Variants in GOLGB1 observed in about 807,000 individuals in gnomAD.
GOLGB1 encodes golgin B1.
Under a neutral mutation model 336.9 loss-of-function variants are expected in GOLGB1, and 174 were observed. The ratio of observed to expected loss-of-function variants is 0.52; its 90% confidence interval spans 0.46 to 0.59. The LOEUF is 0.59. Ranked by LOEUF, GOLGB1 falls within the 20% of genes least tolerant of loss-of-function variation. GOLGB1 has a pLI of 0.00. For synonymous variants in GOLGB1, 1,208 were observed against 1,289.2 expected, an observed-to-expected ratio of 0.94 and a Z score of 1.35; for missense variants, 3,331 against 3,645.3, an observed-to-expected ratio of 0.91 and a Z score of 2.22.
At chr3:121,683,988 C>T (rs370421272) in intron 14 of GOLGB1, among the ~76,000 whole-genome samples, 4 of 151,466 alleles carry the variant, frequency 2.6e-5, no homozygotes, top group Admixed American at 6.6e-5. Flanking sequence ...ATTAGCTGGG[C>T]GTGGTGGCGG....
At chr3:121,676,851 G>C in intron 17 of GOLGB1, 42 bp downstream of exon 17, 2 of 1,586,212 alleles carry the variant, frequency 1.3e-6, no homozygotes, top group Non-Finnish European at 1.7e-6. Flanking sequence ...TTCCAGTCAT[G>C]GAAAAAAGAA....
In GOLGB1 at chr3:121,697,498, C is replaced by T; in HGVS notation, c.3025G>A (p.Glu1009Lys). The change falls in exon 13 of 22, where the codon GAG becomes AAG. Residue 1009 changes from glutamate (E) to lysine (K), a missense_variant. Transcript: ENST00000614479. ...KLQAALINRK[E>K]LLQRVSRLEE... Reference sequence around the variant, plus strand: ...AATCTACTGACTCTTTGCAGAAGCTCCTTTCTGTTAATAAGAGCTGCCTGG... The same window carrying T: ...AATCTACTGACTCTTTGCAGAAGCTTCTTTCTGTTAATAAGAGCTGCCTGG... The T allele has an allele frequency of 1.2e-6, 2 of 1,611,770 alleles. No homozygotes were observed. The highest frequency in any genetic ancestry group is 2.2e-5 in the East Asian group (1 of 44,854).
Position 121,694,365 on chromosome 3 carries a change from A to G in GOLGB1, c.6158T>C (p.Val2053Ala), listed in dbSNP as rs1301472425. 2.5e-6 allele frequency: 4 copies of G among 1,613,320 alleles called. No homozygotes were observed. The African/African-American group carries it at 4.0e-5, about 16-fold the overall frequency. The change falls in exon 13 of 22, where the codon GTT becomes GCT. Residue 2053 changes from valine (V) to alanine (A), a missense_variant. Val to Ala is a moderately conservative substitution (Grantham distance 64). Coordinates refer to ENST00000614479, the MANE Select transcript of GOLGB1 (RefSeq NM_001366282.2). ...CAAATCTTTTTGAGATTCAGTTTGA[A>G]CAAATTCTAGAGCTTTAACAGTTCT... The part of the protein sequence containing the change: ...LERTVKALEF[V>A]QTESQKDLEI...
At chr3:121,711,683 T>C (rs993239807) in intron 10 of GOLGB1, among the ~76,000 whole-genome samples, 5 of 152,194 alleles carry the variant, frequency 3.3e-5, no homozygotes, top group African/African-American at 9.6e-5. Flanking sequence ...TATACTTACA[T>C]ATTAGCATAC....
intron 4 of GOLGB1, among the ~76,000 whole-genome samples, chr3:121,728,241 T>C (rs73179977): frequency 0.029 from 4,411 of 152,262 alleles, 92 homozygotes; most frequent in Middle Eastern, 0.044. Context: ...GGGAAAGTAA[T>C]GTTCTCTGAT....
intron 10 of GOLGB1, among the ~76,000 whole-genome samples, chr3:121,713,528 A>T (rs1944513580): frequency 6.6e-6 from 1 of 152,210 alleles, no homozygotes; most frequent in African/African-American, 2.4e-5. Flanking sequence ...ACATAAGAGG[A>T]CCTATTGTAT....
intron 14 of GOLGB1, among the ~76,000 whole-genome samples, chr3:121,683,364 A>C (rs1025483956): frequency 6.6e-6 from 1 of 152,124 alleles, no homozygotes; most frequent in African/African-American, 2.4e-5. Context: ...AAGTGAATGC[A>C]TGCTTCCTGA....
chr3:121,726,868 A>G (rs1275890638), intron 5 of GOLGB1, 45 bp downstream of exon 5: 3 of 1,431,936 alleles, frequency 2.1e-6, no homozygotes, highest in South Asian at 1.4e-5. Flanking sequence ...CATTGGTTTT[A>G]GTGATTCATT....
intron 20 of GOLGB1, among the ~76,000 whole-genome samples, chr3:121,666,064 A>C (rs1034251142): frequency 6.6e-6 from 1 of 152,176 alleles, no homozygotes; most frequent in African/African-American, 2.4e-5. Context: ...GTTACTATGG[A>C]GGTCAGTCTG....
intron 15 of GOLGB1, among the ~76,000 whole-genome samples, chr3:121,678,229 T>A (rs183716175): frequency 6.6e-6 from 1 of 152,346 alleles, no homozygotes; most frequent in Admixed American, 6.5e-5. Flanking sequence ...ATAAAGATGT[T>A]AAATATGAAA....
chr3:121,746,092 A>T (rs1947266987), intron 1 of GOLGB1, among the ~76,000 whole-genome samples: 1 of 152,182 alleles, frequency 6.6e-6, no homozygotes, highest in Non-Finnish European at 1.5e-5. Context: ...TGGAATTTAA[A>T]TCACATTTTC....
intron 14 of GOLGB1, among the ~76,000 whole-genome samples, chr3:121,683,081 T>TC (rs1257412502): frequency 0.014 from 1,752 of 125,276 alleles, 57 homozygotes; most frequent in African/African-American, 0.041. Context: ...TTTTTTTTTT[T>TC]TGGAGAGACG....
At chr3:121,671,539 C>T (rs1939538603) in intron 17 of GOLGB1, among the ~76,000 whole-genome samples, 1 of 152,106 alleles carries the variant, frequency 6.6e-6, no homozygotes, top group African/African-American at 2.4e-5. Flanking sequence ...TACATAGTTT[C>T]AGGATACATG....
intron 1 of GOLGB1, among the ~76,000 whole-genome samples, chr3:121,735,504 C>T (rs1456643377): frequency 6.6e-6 from 1 of 152,110 alleles, no homozygotes; most frequent in Non-Finnish European, 1.5e-5. Context: ...TTCTTTCTCA[C>T]AGTGGTATGG....
In GOLGB1 at chr3:121,693,998, G is replaced by A. The variant is rs1323785209; in HGVS notation, c.6525C>T (p.Asp2175=). The part of the protein sequence containing the change: ...GEIQVTLNKK[D]KEVQQLQENL... ...TTTCCTGAAGTTGCTGAACTTCCTT[G>A]TCTTTCTTGTTCAAAGTAACCTGAA... Residue 2175 remains aspartate, a synonymous_variant, in exon 13 of 22, where the codon GAC becomes GAT. Transcript: ENST00000614479. The A allele has an allele frequency of 6.2e-7, 1 of 1,613,988 alleles. No homozygotes were observed. The highest frequency in any genetic ancestry group is 1.3e-5 in the African/African-American group (1 of 74,906).
intron 10 of GOLGB1, among the ~76,000 whole-genome samples, chr3:121,707,119 C>T (rs746848895): frequency 3.4e-5 from 5 of 146,064 alleles, no homozygotes; most frequent in East Asian, 2.2e-4. Flanking sequence ...CCCAGCTACT[C>T]GGGAGGCTGA....
At chr3:121,693,623 C>T in intron 13 of GOLGB1, 118 bp downstream of exon 13, 1 of 737,940 alleles carries the variant, frequency 1.4e-6, no homozygotes, top group Admixed American at 2.5e-5. Context: ...GAGAATATAT[C>T]TTCCATGGAC....
Position 121,691,549 on chromosome 3 carries a change from T to G in GOLGB1, c.7815A>C (p.Leu2605Phe). Residue 2605 changes from leucine (L) to phenylalanine (F), a missense_variant, in exon 14 of 22, where the codon TTA becomes TTC. By Grantham distance (22) the Leu-to-Phe change is conservative. Coordinates refer to ENST00000614479, the MANE Select transcript of GOLGB1 (RefSeq NM_001366282.2). The stretch of plus-strand genomic sequence containing the variant: ...CTTTCAAACTCTCAATCTCTTTAGA[T>G]AAATCTTGTTTCTCTTCTTGTAGGG... ...FNALQEEKQD[L>F]SKEIESLKVS... The G allele has an allele frequency of 2.5e-6, 4 of 1,613,130 alleles. No individual in the cohort carries two copies. The highest frequency in any genetic ancestry group is 3.4e-6 in the Non-Finnish European group (4 of 1,179,734).
At chr3:121,728,827 G>A (rs1945862049) in intron 4 of GOLGB1, among the ~76,000 whole-genome samples, 1 of 152,182 alleles carries the variant, frequency 6.6e-6, no homozygotes, top group South Asian at 2.1e-4. Context: ...AGAGCTGGAA[G>A]AAACCTTAGA....
Sources: allele counts gnomAD v4.1 joint callset (sites outside exome capture counted in the v4.1 genomes callset), GRCh38; gene constraint gnomAD v4.1.1; transcripts MANE v1.5; gene names NCBI Gene and HGNC (gene_info 2026-07-23, HGNC 2026-07-21).